Variants in BCL11A observed in about 807,000 individuals in gnomAD.
BCL11A encodes BCL11 transcription factor A, also known as B cell CLL/lymphoma 11A.
A neutral mutation model predicts 55.9 loss-of-function variants in BCL11A; 2 were observed. The observed-to-expected ratio is 0.04, with a 90% CI of 0.01 to 0.11. The LOEUF (loss-of-function observed/expected upper bound fraction) is 0.11. Ranked by LOEUF, BCL11A falls within the 10% of genes least tolerant of loss-of-function variation. The pLI, the probability that BCL11A is intolerant of heterozygous loss-of-function variation, is 1.00. For missense variants in BCL11A, 817 were observed against 1,137.1 expected (o/e 0.72, Z 4.05); for synonymous variants, 465 against 473.4 (o/e 0.98, Z 0.23).
At chr2:60,552,181 A>G in intron 1 of BCL11A, among the ~76,000 whole-genome samples, 1 of 150,684 alleles carries the variant, frequency 6.6e-6, no homozygotes, top group Non-Finnish European at 1.5e-5. Context: ...GTCACAGAAA[A>G]GGGTTGGCAG....
At chr2:60,470,302 A>G (rs1313396497) in intron 2 of BCL11A, among the ~76,000 whole-genome samples, 2 of 152,180 alleles carry the variant, frequency 1.3e-5, no homozygotes, top group South Asian at 2.1e-4. Context: ...GGACTTAACA[A>G]ACAAGTATGT....
rs1676093972 is a variant in BCL11A, at chr2:60,459,140, T to G, written c.*1264A>C. 10 of 1,023,634 alleles carry G rather than the reference T, an allele frequency of 9.8e-6. No homozygotes were observed. The highest frequency in any genetic ancestry group is 1.2e-5 in the Non-Finnish European group (10 of 852,520). 63.4% of individuals were successfully genotyped at this position (1,023,634 alleles called of 1,614,324 possible). On this transcript the variant is annotated 3_prime_UTR_variant, in exon 4 of 4. Coordinates refer to ENST00000642384, the MANE Select transcript of BCL11A (RefSeq NM_022893.4). Reference sequence around the variant, plus strand: ...CGTTGTGCTAATAAATCATATTATTTTCTTCTGTTCCCCTCTGTCAAACCT... The same window carrying G: ...CGTTGTGCTAATAAATCATATTATTGTCTTCTGTTCCCCTCTGTCAAACCT...
intron 2 of BCL11A, among the ~76,000 whole-genome samples, chr2:60,541,167 T>TCTC (rs1295546732): frequency 6.6e-6 from 1 of 152,114 alleles, no homozygotes; most frequent in Non-Finnish European, 1.5e-5. Flanking sequence ...ACTAACACAA[T>TCTC]CTCCACATCA....
intron 2 of BCL11A, among the ~76,000 whole-genome samples, chr2:60,505,301 G>C (rs893829025): frequency 6.6e-6 from 1 of 152,194 alleles, no homozygotes; most frequent in African/African-American, 2.4e-5. Flanking sequence ...GTGTCCTTTG[G>C]CACCCCATTC....
chr2:60,451,652 G>C (rs1675727059), exon 5 of BCL11A: 1 of 230,380 alleles, frequency 4.3e-6, no homozygotes, highest in African/African-American at 2.2e-5. Flanking sequence ...ATTTCCTGAA[G>C]GTTTGGGAAC....
chr2:60,516,610 T>C (rs770240309), intron 2 of BCL11A, among the ~76,000 whole-genome samples: 1 of 152,148 alleles, frequency 6.6e-6, no homozygotes, highest in Non-Finnish European at 1.5e-5. Flanking sequence ...AAGCTCAATA[T>C]GGACAAGGAC....
intron 3 of BCL11A, 77 bp from the exon 4 acceptor site, chr2:60,462,501 C>T: frequency 6.5e-7 from 1 of 1,529,286 alleles, no homozygotes; most frequent in South Asian, 1.3e-5. Flanking sequence ...TATGTTCCAC[C>T]TCCAGCCTTC....
chr2:60,532,894 C>T (rs1558494872), intron 2 of BCL11A: 1 of 152,148 alleles, frequency 6.6e-6, no homozygotes, highest in Non-Finnish European at 1.5e-5. Context: ...GATTGTCCCA[C>T]CACCAAAATT....
downstream of BCL11A, among the ~76,000 whole-genome samples, chr2:60,454,173 G>A (rs2103756207): frequency 6.6e-6 from 1 of 152,212 alleles, no homozygotes; most frequent in Middle Eastern, 3.4e-3. Flanking sequence ...GTGCAGACCG[G>A]ACAACCCATG....
At chr2:60,515,949 C>A (rs989161999) in intron 2 of BCL11A, among the ~76,000 whole-genome samples, 3 of 152,210 alleles carry the variant, frequency 2.0e-5, no homozygotes, top group Non-Finnish European at 4.4e-5. Flanking sequence ...TCTCTGGGCA[C>A]CGCTGGGCCA....
intron 1 of BCL11A, among the ~76,000 whole-genome samples, chr2:60,550,132 T>C (rs941038140): frequency 3.3e-5 from 5 of 151,890 alleles, no homozygotes; most frequent in Non-Finnish European, 7.4e-5. Flanking sequence ...AAACTTGCCA[T>C]ATCCCCCTCT....
chr2:60,479,826 G>A (rs1292595971), intron 2 of BCL11A, among the ~76,000 whole-genome samples: 1 of 152,208 alleles, frequency 6.6e-6, no homozygotes, highest in Non-Finnish European at 1.5e-5. Flanking sequence ...AGGTATCAGC[G>A]TGGGACAGGT....
chr2:60,527,790 T>C (rs2104605998), intron 2 of BCL11A: 1 of 152,370 alleles, frequency 6.6e-6, no homozygotes, highest in East Asian at 1.9e-4. Context: ...GAGGTCTATG[T>C]TAGCCTGGCC....
chr2:60,487,344 C>T (rs1678338876), intron 2 of BCL11A, among the ~76,000 whole-genome samples: 1 of 152,076 alleles, frequency 6.6e-6, no homozygotes, highest in South Asian at 2.1e-4. Flanking sequence ...CCCCACAATG[C>T]CACACACCGA....
At position 60,462,543 on chromosome 2, in the gene BCL11A, G is replaced by A. The variant is rs1676376600; in HGVS notation, c.488-119C>T. 1.7e-5 allele frequency: 25 copies of A among 1,455,188 alleles called. No individual in the cohort carries two copies. The South Asian group carries it at 3.1e-4, about 18-fold the overall frequency. 90.1% of individuals were successfully genotyped at this position (1,455,188 alleles called of 1,614,324 possible). Reference sequence around the variant, plus strand: ...CCCACCCCTCAACCCCAAGGCCTAAGCCCTCACTGACCTACCCCCTGTGCC... The same window carrying A: ...CCCACCCCTCAACCCCAAGGCCTAAACCCTCACTGACCTACCCCCTGTGCC... On this transcript the variant is annotated intron_variant, in intron 3 of 3. Transcript: ENST00000642384.
intron 2 of BCL11A, among the ~76,000 whole-genome samples, chr2:60,474,209 G>C (rs1677382392): frequency 6.6e-6 from 1 of 152,054 alleles, no homozygotes; most frequent in Non-Finnish European, 1.5e-5. Context: ...ATGACATTTT[G>C]CGTGCCCCTT....
intron 2 of BCL11A, among the ~76,000 whole-genome samples, chr2:60,521,390 G>A (rs1668986163): frequency 6.6e-6 from 1 of 152,222 alleles, no homozygotes; most frequent in South Asian, 2.1e-4. Context: ...TCTGGGAATG[G>A]TGTGATGTGG....
At chr2:60,488,874 C>G (rs1034278130) in intron 2 of BCL11A, among the ~76,000 whole-genome samples, 2 of 152,224 alleles carry the variant, frequency 1.3e-5, no homozygotes, top group Non-Finnish European at 2.9e-5. Flanking sequence ...ATTCTCCTGC[C>G]TCAGCCTCCC....
At chr2:60,465,980 C>G (rs560903629) in intron 3 of BCL11A, among the ~76,000 whole-genome samples, 27 of 152,304 alleles carry the variant, frequency 1.8e-4, no homozygotes, top group Non-Finnish European at 3.1e-4. Flanking sequence ...GTGCTATGAG[C>G]TCTGGAAGCC....
Sources: allele counts gnomAD v4.1 joint callset (sites outside exome capture counted in the v4.1 genomes callset), GRCh38; gene constraint gnomAD v4.1.1; transcripts MANE v1.5; gene names NCBI Gene and HGNC (gene_info 2026-07-23, HGNC 2026-07-21).